The following NRXN3 variants were observed in gnomAD, a reference collection of about 807,000 sequenced individuals.
NRXN3 encodes neurexin 3, also known as neurexin III.
In NRXN3, 32 loss-of-function variants were observed where a neutral mutation model predicts 137.6. That is an observed-to-expected ratio of 0.23 (90% CI 0.18 to 0.31). The LOEUF is 0.31. NRXN3 is among the 10% of genes least tolerant of loss of function. The pLI, the probability that NRXN3 is intolerant of heterozygous loss-of-function variation, is 1.00. For missense variants in NRXN3, 1,574 were observed against 2,062.5 expected (o/e 0.76, Z 4.59); for synonymous variants, 798 against 784.5 (o/e 1.02, Z -0.29).
At chr14:78,586,695 T>C (rs1420290073) in intron 4 of NRXN3, among the ~76,000 whole-genome samples, 1 of 152,118 alleles carries the variant, frequency 6.6e-6, no homozygotes, top group African/African-American at 2.4e-5. Context: ...GTGAGCCATG[T>C]CCCCCGACCC....
chr14:79,003,698 C>T lies in NRXN3; in HGVS notation c.3262+15557C>T, dbSNP rs1244553905. Among the ~76,000 whole-genome samples the T allele has an allele frequency of 1.3e-5, 2 of 152,262 alleles. 1 individual carries two copies. Among genetic ancestry groups the T allele is most frequent in the African/African-American group, 4.8e-5 (2 of 41,552 alleles). ...ATTGCCTGCCATGGGGAGATGATTG[C>T]AGATCACTCTCCGGTGGAGTTTGAC... On this transcript the variant is annotated intron_variant, in intron 15 of 20. Coordinates refer to ENST00000335750, the MANE Select transcript of NRXN3 (RefSeq NM_001330195.2).
rs184002535 is a variant in NRXN3, at chr14:78,389,001, G to A, written c.757+91141G>A. Among the ~76,000 whole-genome samples, 159 of 150,474 alleles carry A rather than the reference G, an allele frequency of 1.1e-3. 1 individual carries two copies. The highest frequency in any genetic ancestry group is 3.7e-3 in the African/African-American group (152 of 41,052). On this transcript the variant is annotated intron_variant, in intron 4 of 20. Coordinates refer to ENST00000335750, the MANE Select transcript of NRXN3 (RefSeq NM_001330195.2). ...ATAAATCTTTGTTTTGCTCTTTGAC[G>A]TCAACTTCTAGTAGTGAGATTACTG...
rs57154485 is a variant in NRXN3, at chr14:79,036,593, GTTTTTTTTTTTTTTTT to G, written c.3262+48470_3262+48485del. ...TTTTATTGTATTGTTTTCGTTTTGG[GTTTTTTTTTTTTTTTT>G]TTTTTTTTTTTTTTTTTAAGGAAGT... On this transcript the variant is annotated intron_variant, in intron 15 of 20. Coordinates refer to ENST00000335750, the MANE Select transcript of NRXN3 (RefSeq NM_001330195.2). 8.1e-3 allele frequency among the ~76,000 whole-genome samples: 822 copies of G among 101,658 alleles called. 14 individuals are homozygous for G. Among genetic ancestry groups the G allele is most frequent in the African/African-American group, 0.028 (771 of 27,712 alleles). The allele number at this position is 101,658 out of a possible 152,430, so 66.7% of individuals were successfully genotyped here. A position where few individuals can be genotyped will look rare whatever the true frequency, so the allele number is the denominator to read the frequency against.
intron 15 of NRXN3, among the ~76,000 whole-genome samples, chr14:79,073,733 A>C (rs535863274): frequency 6.6e-6 from 1 of 152,228 alleles, no homozygotes; most frequent in Non-Finnish European, 1.5e-5. Context: ...TTCTATCTGC[A>C]CATGGCTGTT....
chr14:78,617,222 C>T (rs78357928), intron 4 of NRXN3, among the ~76,000 whole-genome samples: 1,638 of 152,218 alleles, frequency 0.011, 28 homozygotes, highest in African/African-American at 0.036. Flanking sequence ...AACCACCTCC[C>T]AGCTGTTGGA....
intron 19 of NRXN3, among the ~76,000 whole-genome samples, chr14:79,704,079 A>G (rs1455377431): frequency 6.6e-6 from 1 of 152,098 alleles, no homozygotes; most frequent in African/African-American, 2.4e-5. Context: ...ATCAGGAGAG[A>G]TTGCTACGGC....
intron 15 of NRXN3, among the ~76,000 whole-genome samples, chr14:79,084,941 T>TCTA (rs1265500963): frequency 1.3e-5 from 2 of 152,134 alleles, no homozygotes; most frequent in Non-Finnish European, 2.9e-5. Flanking sequence ...GGACCATCTG[T>TCTA]TAATGTAAAT....
chr14:79,868,242 A>T lies in NRXN3; in HGVS notation c.*6278A>T, dbSNP rs368968772. The stretch of plus-strand genomic sequence containing the variant: ...ATCAAAATTAGCTGCTATATGCATG[A>T]CTAACCAGGACCAAAAAGTTAATAA... On this transcript the variant is annotated 3_prime_UTR_variant, in exon 21 of 21. Transcript: ENST00000335750. 4 of 152,366 alleles carry T rather than the reference A, an allele frequency of 2.6e-5. No individual in the cohort carries two copies. The East Asian group carries it at 7.7e-4, about 29-fold the overall frequency. The allele number at this position is 152,366 out of a possible 1,614,324, so 9.4% of individuals were successfully genotyped here. A position where few individuals can be genotyped will look rare whatever the true frequency, so the allele number is the denominator to read the frequency against.
chr14:78,198,026 T>G (rs1229661467), intron 1 of NRXN3, among the ~76,000 whole-genome samples: 1 of 152,208 alleles, frequency 6.6e-6, no homozygotes, highest in Non-Finnish European at 1.5e-5. Flanking sequence ...GAAGGGATCT[T>G]TGCCCATCTT....
chr14:78,700,099 C>A (rs1486657904), intron 6 of NRXN3, among the ~76,000 whole-genome samples: 1 of 152,178 alleles, frequency 6.6e-6, no homozygotes, highest in Non-Finnish European at 1.5e-5. Flanking sequence ...AAATATTCCC[C>A]CCTTAATTGT....
At chr14:78,335,294 A>G (rs1263256758) in intron 4 of NRXN3, among the ~76,000 whole-genome samples, 3 of 152,234 alleles carry the variant, frequency 2.0e-5, no homozygotes, top group Admixed American at 6.5e-5. Flanking sequence ...TAAGACTTTT[A>G]TAGGAAAACC....
chr14:78,364,496 GA>G (rs1241029420), intron 4 of NRXN3, among the ~76,000 whole-genome samples: 9 of 152,104 alleles, frequency 5.9e-5, no homozygotes, highest in African/African-American at 2.2e-4. Flanking sequence ...ATTTTAAGAT[GA>G]ATATATTTTT....
intron 15 of NRXN3, among the ~76,000 whole-genome samples, chr14:79,012,369 G>T (rs957201892): frequency 1.3e-5 from 2 of 152,176 alleles, no homozygotes; most frequent in African/African-American, 2.4e-5. Context: ...TGACTAGACT[G>T]AGAAGAGAGG....
At chr14:78,314,752 A>G (rs1402463368) in intron 4 of NRXN3, among the ~76,000 whole-genome samples, 1 of 152,118 alleles carries the variant, frequency 6.6e-6, no homozygotes, top group Non-Finnish European at 1.5e-5. Context: ...TGTCATGCGT[A>G]TTAGCTTTCT....
chr14:79,645,663 A>G (rs1196757839), intron 16 of NRXN3, among the ~76,000 whole-genome samples: 1 of 134,316 alleles, frequency 7.4e-6, no homozygotes, highest in East Asian at 2.0e-4. Context: ...TGCCTGGTAT[A>G]ATACCTCGCA....
chr14:79,334,892 A>G (rs1006761202), intron 15 of NRXN3, among the ~76,000 whole-genome samples: 3 of 152,208 alleles, frequency 2.0e-5, no homozygotes, highest in Non-Finnish European at 4.4e-5. Context: ...TTATAAGCTC[A>G]TATAAAATAT....
At chr14:79,635,907 C>T (rs571760976) in intron 16 of NRXN3, among the ~76,000 whole-genome samples, 5 of 151,982 alleles carry the variant, frequency 3.3e-5, no homozygotes, top group Admixed American at 6.5e-5. Flanking sequence ...CCTTATGGAA[C>T]CATGAGATCT....
chr14:79,409,743 A>G (rs1019565094), intron 15 of NRXN3, among the ~76,000 whole-genome samples: 18 of 150,724 alleles, frequency 1.2e-4, no homozygotes, highest in East Asian at 2.0e-4. Flanking sequence ...ATTCATGCCA[A>G]TTCTCCATAC....
chr14:78,765,316 G>C (rs1595646852), intron 8 of NRXN3, among the ~76,000 whole-genome samples: 1 of 152,014 alleles, frequency 6.6e-6, no homozygotes, highest in African/African-American at 2.4e-5. Context: ...ACTACACCCG[G>C]CTAATGTTCT....
Sources: allele counts gnomAD v4.1 joint callset (sites outside exome capture counted in the v4.1 genomes callset), GRCh38; gene constraint gnomAD v4.1.1; transcripts MANE v1.5; gene names NCBI Gene and HGNC (gene_info 2026-07-23, HGNC 2026-07-21).